ITGA5: variants seen among roughly 807,000 people sequenced by gnomAD.
The protein encoded by ITGA5 is integrin subunit alpha 5.
A neutral mutation model predicts 146.3 loss-of-function variants in ITGA5; 55 were observed. The ratio of observed to expected loss-of-function variants is 0.38; its 90% CI spans 0.30 to 0.47. ITGA5 has a LOEUF of 0.47. ITGA5 is among the 20% of genes least tolerant of loss of function. The pLI is 0.99. For missense variants in ITGA5, 1,131 were observed against 1,329.0 expected (o/e 0.85, Z 2.32); for synonymous variants, 500 against 531.8 (o/e 0.94, Z 0.82).
intron 1 of ITGA5, among the ~76,000 whole-genome samples, chr12:54,418,350 G>A (rs1486389255): frequency 6.6e-6 from 1 of 151,774 alleles, no homozygotes; most frequent in Admixed American, 6.6e-5. Context: ...GAGATTGGGG[G>A]CGGAGGGAGG....
In ITGA5 at chr12:54,401,788, A is replaced by C; in HGVS notation, c.2294T>G (p.Phe765Cys). Residue 765 changes from phenylalanine to cysteine, a missense_variant, in exon 22 of 30, where the codon TTC becomes TGC. This residue lies in a region of ITGA5 where 889 missense variants were observed against 1,021.5 expected (regional missense o/e 0.87). Coordinates refer to ENST00000293379, the MANE Select transcript of ITGA5 (RefSeq NM_002205.5). The surrounding 1 kb of genome is among the most constrained non-coding windows in gnomAD (Gnocchi z 5.0). ...RDTKKTIQFD[F>C]QILSKNLNNS... ...ACTCACTCCCTACCTGAGGATCTGG[A>C]AGTCAAACTGGATGGTTTTCTTAGT... The C allele has an allele frequency of 1.9e-6, 3 of 1,614,092 alleles. No individual in the cohort carries two copies. The highest frequency in any genetic ancestry group is 2.5e-6 in the Non-Finnish European group (3 of 1,179,964).
intron 1 of ITGA5, chr12:54,413,008 C>T (rs536054921): frequency 6.1e-4 from 94 of 152,970 alleles, no homozygotes; most frequent in African/African-American, 2.2e-3. Flanking sequence ...GCCCCTATGA[C>T]TGCTTGCTCT....
chr12:54,407,367 A>G, intron 9 of ITGA5: 1 of 484,238 alleles, frequency 2.1e-6, no homozygotes, highest in Non-Finnish European at 3.8e-6. Context: ...GAGTACTTTC[A>G]CATGCATTTT....
intron 28 of ITGA5, among the ~76,000 whole-genome samples, chr12:54,398,022 C>T (rs977825617): frequency 4.6e-5 from 7 of 152,096 alleles, no homozygotes; most frequent in Non-Finnish European, 8.8e-5. Context: ...CTCAGCCTCC[C>T]GAGTAGCTGG....
At chr12:54,406,233 T>C (rs1168520399) in intron 9 of ITGA5, 1 of 452,004 alleles carries the variant, frequency 2.2e-6, no homozygotes, top group East Asian at 3.9e-5. Context: ...GATTTTGTTC[T>C]TTGCTTTCTC....
At chr12:54,400,771 G>A in intron 25 of ITGA5, 75 bp downstream of exon 25, 1 of 1,491,854 alleles carries the variant, frequency 6.7e-7, no homozygotes, top group East Asian at 2.3e-5. Context: ...CAGGCCCCCA[G>A]CAACCTTCCC....
chr12:54,409,742 A>G lies in ITGA5; in HGVS notation c.350-145T>C. 1.7e-6 allele frequency: 1 copy of G among 605,872 alleles called. No homozygotes were observed. Among genetic ancestry groups the G allele is most frequent in the South Asian group, 2.0e-5 (1 of 51,054 alleles). 37.5% of individuals were successfully genotyped at this position (605,872 alleles called of 1,614,324 possible). A position where few individuals can be genotyped will look rare whatever the true frequency, so the allele number is the denominator to read the frequency against. ...CGCTGGGAGTGTGGAATTGGTAAGG[A>G]GCTTAATTCTGCTTTGTGTAGTCTG... On this transcript the variant is annotated intron_variant, in intron 2 of 29. Coordinates refer to ENST00000293379, the MANE Select transcript of ITGA5 (RefSeq NM_002205.5). The surrounding 1 kb of genome is among the most constrained non-coding windows in gnomAD (Gnocchi z 4.7).
chr12:54,396,435 C>G (rs1247844924), intron 29 of ITGA5, 59 bp from the exon 30 acceptor site: 26 of 1,369,164 alleles, frequency 1.9e-5, no homozygotes, highest in Non-Finnish European at 2.5e-5. Flanking sequence ...CTCCACAGCT[C>G]TTATTCCAAG....
Position 54,396,342 on chromosome 12 carries a change from G to A in ITGA5, c.3101C>T (p.Thr1034Ile), listed in dbSNP as rs1955709451. The change falls in exon 30 of 30, where the codon ACC (threonine) becomes ATC (isoleucine). Residue 1034 changes from threonine to isoleucine, a missense_variant. By Grantham distance (89) the Thr-to-Ile change is moderately conservative (BLOSUM62 -1). Coordinates refer to ENST00000293379, the MANE Select transcript of ITGA5 (RefSeq NM_002205.5). The part of the protein sequence containing the change: ...GFFKRSLPYG[T>I]AMEKAQLKPP... ...CTTGAGCTGAGCTTTTTCCATGGCG[G>A]TGCCATATGGGAGGGAGCGTTTGAA... 3.1e-6 allele frequency: 5 copies of A among 1,614,148 alleles called. No individual in the cohort carries two copies. The highest frequency in any genetic ancestry group is 4.2e-6 in the Non-Finnish European group (5 of 1,179,984).
At chr12:54,406,514 G>T (rs1955868031) in intron 9 of ITGA5, among the ~76,000 whole-genome samples, 1 of 152,156 alleles carries the variant, frequency 6.6e-6, no homozygotes, top group Admixed American at 6.5e-5. Context: ...GATCTAGGAG[G>T]CTACCTCTGG....
intron 7 of ITGA5, 45 bp from the exon 8 acceptor site, chr12:54,407,921 C>T (rs1348872316): frequency 6.5e-7 from 1 of 1,548,904 alleles, no homozygotes; most frequent in Non-Finnish European, 8.7e-7. Flanking sequence ...GCTTTGAGGA[C>T]CCCTCTGCTC....
intron 2 of ITGA5, among the ~76,000 whole-genome samples, chr12:54,411,090 G>A (rs1234371737): frequency 2.0e-5 from 3 of 152,126 alleles, no homozygotes; most frequent in Non-Finnish European, 4.4e-5. Flanking sequence ...TTGAACTCCT[G>A]GGACCAAGTG....
rs1268133397 is a variant in ITGA5, at chr12:54,403,300, G to C, written c.1801C>G (p.Leu601Val). The C allele has an allele frequency of 6.5e-7, 1 of 1,537,766 alleles. No homozygotes were observed. The highest frequency in any genetic ancestry group is 1.4e-5 in the African/African-American group (1 of 72,022). ...LRNESEFRDK[L>V]SPIHIALNFS... ...TTGAGAGCGATGTGAATCGGCGAGA[G>C]TTTGTCTCGAAATTCTGACTCGTTC... Residue 601 changes from leucine to valine, a missense_variant, in exon 18 of 30, where the codon CTC becomes GTC. By Grantham distance (32) the Leu-to-Val change is conservative (BLOSUM62 1). Coordinates refer to ENST00000293379, the MANE Select transcript of ITGA5 (RefSeq NM_002205.5). This position sits in a 1 kb window ranked among gnomAD's most constrained non-coding sequence, Gnocchi z 4.9.
intron 19 of ITGA5, 95 bp downstream of exon 19, chr12:54,402,888 A>G: frequency 1.0e-6 from 1 of 972,812 alleles, no homozygotes; most frequent in South Asian, 1.3e-5. Context: ...CAGCTCAGCA[A>G]CTTCCCAAGG....
At chr12:54,398,968 T>G (rs1955750743) in intron 27 of ITGA5, 1 of 347,184 alleles carries the variant, frequency 2.9e-6, no homozygotes, top group Admixed American at 5.2e-5. Context: ...GCCTCCCAAG[T>G]AGCTGAGACT....
intron 29 of ITGA5, 114 bp from the exon 30 acceptor site, chr12:54,396,490 A>C (rs1385276423): frequency 1.2e-6 from 1 of 814,586 alleles, no homozygotes; most frequent in African/African-American, 1.7e-5. Flanking sequence ...TACATCCTGC[A>C]AAAGTGGCCT....
At chr12:54,400,001 G>T in intron 25 of ITGA5, 54 bp from the exon 26 acceptor site, 1 of 1,306,706 alleles carries the variant, frequency 7.7e-7, no homozygotes, top group Non-Finnish European at 1.1e-6. Flanking sequence ...TTCTAAGTCA[G>T]CTTGCACCTG....
At chr12:54,397,949 G>C (rs990367344) in intron 28 of ITGA5, among the ~76,000 whole-genome samples, 2 of 150,770 alleles carry the variant, frequency 1.3e-5, no homozygotes, top group Non-Finnish European at 2.9e-5. Flanking sequence ...TCAGGCTGGA[G>C]TGCAGTGGTG....
In ITGA5 at chr12:54,397,503, G is replaced by T; in HGVS notation, c.2944-16C>A. The T allele has an allele frequency of 6.2e-7, 1 of 1,613,540 alleles. No individual in the cohort carries two copies. Among genetic ancestry groups the T allele is most frequent in the South Asian group, 1.1e-5 (1 of 91,042 alleles). The stretch of plus-strand genomic sequence containing the variant: ...CTGTGGCCACCTGGGGAGCAAGTTG[G>T]GTGAAGTCAATGAAAGCTCAGAAGT... On this transcript the variant is annotated splice_polypyrimidine_tract_variant and intron_variant, in intron 28 of 29. Coordinates refer to ENST00000293379, the MANE Select transcript of ITGA5 (RefSeq NM_002205.5).
Sources: allele counts gnomAD v4.1 joint callset (sites outside exome capture counted in the v4.1 genomes callset), GRCh38; gene constraint gnomAD v4.1.1; regional missense constraint gnomAD v4.1.1; non-coding constraint Gnocchi (gnomAD v3.1); transcripts MANE v1.5; gene names NCBI Gene and HGNC (gene_info 2026-07-23, HGNC 2026-07-21).